CRIP2: variants seen among roughly 807,000 people sequenced by gnomAD.
CRIP2 encodes the protein cysteine rich protein 2.
Under a neutral mutation model 31.3 loss-of-function variants are expected in CRIP2, and 31 were observed. The observed-to-expected ratio is 0.99, with a 90% confidence interval of 0.74 to 1.34. CRIP2 has a LOEUF of 1.34. CRIP2 is among the 40% of genes most tolerant of loss of function. CRIP2 has a pLI of 0.00. For missense variants in CRIP2, 389 were observed against 301.6 expected, an observed-to-expected ratio of 1.29 and a Z score of -2.15; for synonymous variants, 177 against 127.2, an observed-to-expected ratio of 1.39 and a Z score of -2.63.
rs1555436718 is a variant in CRIP2, at chr14:105,479,142, C to T, written c.424C>T (p.Leu142=). 1 of 1,611,760 alleles carries T rather than the reference C, an allele frequency of 6.2e-7. No homozygotes were observed. Among genetic ancestry groups the T allele is most frequent in the South Asian group, 1.1e-5 (1 of 91,068 alleles). ...CTTTCCAGCTGAGAAGGTGACGTCTCTGGGCAAGGATTGGCACCGGCCCTG... is the reference window on the plus strand; with the variant it reads ...CTTTCCAGCTGAGAAGGTGACGTCTTTGGGCAAGGATTGGCACCGGCCCTG... ...KVYFAEKVTS[L]GKDWHRPCLR... is the part of the protein sequence containing the mutation. The change falls in exon 6 of 8, where the codon CTG becomes TTG. Residue 142 remains leucine (L), a synonymous_variant. Coordinates refer to ENST00000329146, the MANE Select transcript of CRIP2 (RefSeq NM_001312.4).
In CRIP2 at chr14:105,479,924, C is replaced by A; in HGVS notation, c.*271C>A. 1 of 525,994 alleles carries A rather than the reference C, an allele frequency of 1.9e-6. No individual in the cohort carries two copies. Among genetic ancestry groups the A allele is most frequent in the Non-Finnish European group, 3.4e-6 (1 of 290,450 alleles). The allele number at this position is 525,994 out of a possible 1,614,324, so 32.6% of individuals were successfully genotyped here. The stretch of plus-strand genomic sequence containing the variant: ...GTGACCCTGTCCCAGCATTTTCCCG[C>A]CGACCCTGCGTGTCCCCGTGGCGCT... On this transcript the variant is annotated 3_prime_UTR_variant, in exon 8 of 8. Transcript: ENST00000329146.
intron 1 of CRIP2, chr14:105,475,809 A>C: frequency 2.0e-6 from 2 of 984,930 alleles, no homozygotes; most frequent in Non-Finnish European, 2.4e-6. Context: ...CAGGGTGGTA[A>C]GGTCCCTGCC....
rs113369849 is a variant in CRIP2, at chr14:105,476,494, G to A, written c.43+1589G>A. The A allele has an allele frequency of 5.8e-4, 573 of 985,578 alleles. 5 individuals carry two copies. The East Asian group carries it at 8.0e-3, about 14-fold the overall frequency. 61.1% of individuals were successfully genotyped at this position (985,578 alleles called of 1,614,324 possible). ...CCCATGCAGCCAGGGTGGGCAGCTG[G>A]TTTTCTTCTGAGCCATTAGACCCAA... is the stretch of plus-strand genomic sequence containing the variant. On this transcript the variant is annotated intron_variant, in intron 1 of 7. Transcript: ENST00000329146.
Position 105,478,374 on chromosome 14 carries a change from CG to C in CRIP2, c.138+15del. 6.3e-7 allele frequency: 1 copy of C among 1,576,650 alleles called. No homozygotes were observed. The highest frequency in any genetic ancestry group is 8.6e-7 in the Non-Finnish European group (1 of 1,163,190). ...GGCCACGCCGAGGTGAGCCCCACTGCGCGGCGCGGGCGGGGGCGGGGGTCGC... is the reference window on the plus strand; with the variant it reads ...GGCCACGCCGAGGTGAGCCCCACTGCCGGCGCGGGCGGGGGCGGGGGTCGC... On this transcript the variant is annotated intron_variant, in intron 2 of 7. Coordinates refer to ENST00000329146, the MANE Select transcript of CRIP2 (RefSeq NM_001312.4). This position sits in a 1 kb window ranked among gnomAD's most constrained non-coding sequence, Gnocchi z 4.9.
chr14:105,477,966 C>T (rs1360725009), intron 1 of CRIP2, among the ~76,000 whole-genome samples: 1 of 148,032 alleles, frequency 6.8e-6, no homozygotes, highest in African/African-American at 2.6e-5. Flanking sequence ...GCACAGGCCC[C>T]TTCACCGCAG....
Position 105,478,601 on chromosome 14 carries a change from T to A in CRIP2, c.196+94T>A, listed in dbSNP as rs2084007358. Reference sequence around the variant, plus strand: ...GGCTGGGGGTCCCGGCCGCCGTGGATCCCCGCCCAGAGTCCCTGCCACCCT... The same window carrying A: ...GGCTGGGGGTCCCGGCCGCCGTGGAACCCCGCCCAGAGTCCCTGCCACCCT... On this transcript the variant is annotated intron_variant, in intron 3 of 7. Coordinates refer to ENST00000329146, the MANE Select transcript of CRIP2 (RefSeq NM_001312.4). The surrounding 1 kb of genome is among the most constrained non-coding windows in gnomAD (Gnocchi z 4.9). 1 of 1,520,850 alleles carries A rather than the reference T, an allele frequency of 6.6e-7. No homozygotes were observed. The highest frequency in any genetic ancestry group is 1.4e-5 in the African/African-American group (1 of 72,208). The allele number at this position is 1,520,850 out of a possible 1,614,324, so 94.2% of individuals were successfully genotyped here. A position where few individuals can be genotyped will look rare whatever the true frequency, so the allele number is the denominator to read the frequency against.
Position 105,479,744 on chromosome 14 carries a change from C to T in CRIP2, c.*91C>T. Reference sequence around the variant, plus strand: ...GCTCTGCTGGGAGAGTGCTCAGCCGCCCAGTCCTGCCTGCAAGCCCAGGGC... The same window carrying T: ...GCTCTGCTGGGAGAGTGCTCAGCCGTCCAGTCCTGCCTGCAAGCCCAGGGC... On this transcript the variant is annotated 3_prime_UTR_variant, in exon 8 of 8. Transcript: ENST00000329146. 2.9e-6 allele frequency: 4 copies of T among 1,364,504 alleles called. No individual in the cohort carries two copies. Among genetic ancestry groups the T allele is most frequent in the Non-Finnish European group, 3.0e-6 (3 of 989,732 alleles). The allele number at this position is 1,364,504 out of a possible 1,614,324, so 84.5% of individuals were successfully genotyped here. A position where few individuals can be genotyped will look rare whatever the true frequency, so the allele number is the denominator to read the frequency against.
In CRIP2 at chr14:105,478,963, C is replaced by G. The variant is rs782126626; in HGVS notation, c.338-16C>G. 6.4e-6 allele frequency: 10 copies of G among 1,554,592 alleles called. No homozygotes were observed. The highest frequency in any genetic ancestry group is 1.4e-5 in the African/African-American group (1 of 73,312). ...CACCCCCGGCCCCGCCCCGCCCTGACTCGTGCGCCCCACAGCCTCCAGTGT... is the reference window on the plus strand; with the variant it reads ...CACCCCCGGCCCCGCCCCGCCCTGAGTCGTGCGCCCCACAGCCTCCAGTGT... On this transcript the variant is annotated splice_polypyrimidine_tract_variant and intron_variant, in intron 4 of 7. Coordinates refer to ENST00000329146, the MANE Select transcript of CRIP2 (RefSeq NM_001312.4). The surrounding 1 kb of genome is among the most constrained non-coding windows in gnomAD (Gnocchi z 4.9).
At chr14:105,473,383 G>A, upstream of CRIP2, 1 of 1,535,716 alleles carries the variant, frequency 6.5e-7, no homozygotes, top group African/African-American at 1.4e-5. Flanking sequence ...GGCAGTGGCT[G>A]CAGGGTGTGT....
At chr14:105,479,341 C>A in intron 6 of CRIP2, 95 bp from the exon 7 acceptor site, 6 of 1,570,220 alleles carry the variant, frequency 3.8e-6, no homozygotes, top group Non-Finnish European at 5.2e-6. Context: ...TGCCCTCTCC[C>A]CCACGGCGAG....
intron 1 of CRIP2, chr14:105,475,214 G>A (rs762299971): frequency 4.5e-4 from 134 of 297,390 alleles, no homozygotes; most frequent in Admixed American, 1.2e-3. Context: ...GGGGATCCGC[G>A]GACGCATCCC....
intron 1 of CRIP2, chr14:105,476,898 A>C (rs1157992587): frequency 4.6e-6 from 2 of 433,418 alleles, no homozygotes; most frequent in Non-Finnish European, 6.1e-6. Flanking sequence ...CCCTCTACCT[A>C]GTAGGCCACC....
intron 1 of CRIP2, chr14:105,477,058 G>A (rs1203512324): frequency 2.2e-5 from 4 of 182,794 alleles, no homozygotes; most frequent in Non-Finnish European, 4.2e-5. Flanking sequence ...ACTGGTCCTC[G>A]GCCACCTGAG....
upstream of CRIP2, among the ~76,000 whole-genome samples, chr14:105,473,946 G>A (rs587609519): frequency 1.3e-5 from 2 of 152,292 alleles, no homozygotes; most frequent in Non-Finnish European, 2.9e-5. Context: ...GGGCACAGAG[G>A]GCACGCCCAC....
Position 105,479,167 on chromosome 14 carries a change from G to C in CRIP2, c.449G>C (p.Cys150Ser), listed in dbSNP as rs1695428303. The part of the protein sequence containing the change: ...TSLGKDWHRP[C>S]LRCERCGKTL... ...CTGGGCAAGGATTGGCACCGGCCCT[G>C]CCTGCGCTGCGAGCGCTGCGGGAAG... is the stretch of plus-strand genomic sequence containing the variant. The change falls in exon 6 of 8, where the codon TGC (cysteine) becomes TCC (serine). Residue 150 changes from cysteine to serine, a missense_variant. By Grantham distance (112) the Cys-to-Ser change is moderately radical. Coordinates refer to ENST00000329146, the MANE Select transcript of CRIP2 (RefSeq NM_001312.4). 2 of 1,611,768 alleles carry C rather than the reference G, an allele frequency of 1.2e-6. No individual in the cohort carries two copies. Among genetic ancestry groups the C allele is most frequent in the Non-Finnish European group, 1.7e-6 (2 of 1,179,504 alleles).
chr14:105,474,880 C>T lies in CRIP2; in HGVS notation c.18C>T (p.Pro6=). 5.3e-6 allele frequency: 8 copies of T among 1,518,840 alleles called. No homozygotes were observed. The highest frequency in any genetic ancestry group is 7.1e-6 in the Non-Finnish European group (8 of 1,133,304). 94.1% of individuals were successfully genotyped at this position (1,518,840 alleles called of 1,614,324 possible). MASKC[P]KCDKTVYFAE... is the part of the protein sequence containing the mutation. ...CACCGACCATGGCCTCCAAATGCCC[C>T]AAGTGCGACAAGACCGTGTACTTCG... Residue 6 remains proline, a synonymous_variant, in exon 1 of 8, where the codon CCC becomes CCT. Coordinates refer to ENST00000329146, the MANE Select transcript of CRIP2 (RefSeq NM_001312.4). The surrounding 1 kb of genome is among the most constrained non-coding windows in gnomAD (Gnocchi z 5.1).
intron 6 of CRIP2, 90 bp from the exon 7 acceptor site, chr14:105,479,346 G>GGCGAGCCGGCCTGCAC: frequency 6.3e-7 from 1 of 1,576,602 alleles, no homozygotes; most frequent in Non-Finnish European, 8.6e-7. Flanking sequence ...TCTCCCCCAC[G>GGCGAGCCGGCCTGCAC]GCGAGCCGGC....
upstream of CRIP2, chr14:105,474,810 G>T (rs1433644270): frequency 2.0e-5 from 26 of 1,304,962 alleles, no homozygotes; most frequent in Admixed American, 3.7e-4. This position sits in a 1 kb window ranked among gnomAD's most constrained non-coding sequence, Gnocchi z 5.1. Flanking sequence ...CGCGGGCGGC[G>T]GCGGCCCGGA....
At chr14:105,477,345 A>G (rs2083953952) in intron 1 of CRIP2, 2 of 985,394 alleles carry the variant, frequency 2.0e-6, no homozygotes, top group East Asian at 2.3e-4. Flanking sequence ...AGCCAGGGGC[A>G]TTACGGCGGG....
Sources: allele counts gnomAD v4.1 joint callset (sites outside exome capture counted in the v4.1 genomes callset), GRCh38; gene constraint gnomAD v4.1.1; non-coding constraint Gnocchi (gnomAD v3.1); transcripts MANE v1.5; gene names NCBI Gene and HGNC (gene_info 2026-07-23, HGNC 2026-07-21).